Variants in AGBL5 observed in about 807,000 individuals in gnomAD.
AGBL5 encodes the protein AGBL carboxypeptidase 5, also known as cytosolic carboxypeptidase-like protein 5.
AGBL5 carries 51 observed loss-of-function variants against 88.0 expected under a neutral mutation model. That is an observed-to-expected ratio of 0.58 (90% confidence interval 0.46 to 0.73). AGBL5 has a LOEUF of 0.73. Ranked by LOEUF, AGBL5 falls within the 30% of genes least tolerant of loss-of-function variation. AGBL5 has a pLI of 0.00. For synonymous variants in AGBL5, 446 were observed against 438.8 expected (o/e 1.02, Z -0.21); for missense variants, 1,031 against 1,162.2 (o/e 0.89, Z 1.64).
At chr2:27,058,040 T>C (rs986106389) in intron 9 of AGBL5, among the ~76,000 whole-genome samples, 5 of 150,186 alleles carry the variant, frequency 3.3e-5, no homozygotes, top group Admixed American at 2.0e-4. Context: ...CACACGCCAC[T>C]GTACTACAGC....
At chr2:27,056,161 G>T in intron 7 of AGBL5, 23 bp downstream of exon 7, 1 of 1,600,550 alleles carries the variant, frequency 6.2e-7, no homozygotes, top group Middle Eastern at 1.7e-4. Context: ...AGAATGTCAT[G>T]TGAGTGTGAG....
At chr2:27,070,005 C>T (rs1669199586) in intron 14 of AGBL5, 87 bp from the exon 15 acceptor site, 1 of 1,538,358 alleles carries the variant, frequency 6.5e-7, no homozygotes, top group African/African-American at 1.4e-5. Context: ...TCTCGCTCCA[C>T]TTCTTTCACT....
chr2:27,056,281 G>A lies in AGBL5; in HGVS notation c.1365+143G>A, dbSNP rs1370322059. On this transcript the variant is annotated intron_variant, in intron 7 of 14. Transcript: ENST00000360131. ...AGACTACCTCTGAAAAAGCTTTGAA[G>A]GGCCAAGAAGAGATGGCACAGGGGG... The A allele has an allele frequency of 4.1e-5, 34 of 830,380 alleles. 1 individual carries two copies. In the South Asian group the frequency reaches 5.9e-4, roughly 14 times the overall value. 51.4% of individuals were successfully genotyped at this position (830,380 alleles called of 1,614,324 possible). A position where few individuals can be genotyped will look rare whatever the true frequency, so the allele number is the denominator to read the frequency against.
chr2:27,061,632 T>A (rs1474918818), intron 11 of AGBL5: 1 of 152,214 alleles, frequency 6.6e-6, no homozygotes, highest in Non-Finnish European at 1.5e-5. Flanking sequence ...CCTCCCAAAG[T>A]GCTAGGATTA....
rs567066982 is a variant in AGBL5, at chr2:27,058,340, C to G, written c.1672-60C>G. 3.1e-3 allele frequency: 4,895 copies of G among 1,599,750 alleles called. 18 individuals are homozygous for G. The highest frequency in any genetic ancestry group is 3.9e-3 in the Non-Finnish European group (4,606 of 1,168,858). The stretch of plus-strand genomic sequence containing the variant: ...CCTTCCACTGTGCTGTGTACCCACC[C>G]CAAGGTAGCAGCCTGGATGGGAGGA... On this transcript the variant is annotated intron_variant, in intron 9 of 14. Transcript: ENST00000360131.
At chr2:27,055,381 A>G in intron 6 of AGBL5, 128 bp downstream of exon 6, 1 of 1,272,260 alleles carries the variant, frequency 7.9e-7, no homozygotes, top group Non-Finnish European at 1.1e-6. Context: ...AGGCAAGCCC[A>G]TCTCATCTTC....
Position 27,053,590 on chromosome 2 carries a change from G to C in AGBL5, c.387+17G>C, listed in dbSNP as rs1572812569. 6.3e-7 allele frequency: 1 copy of C among 1,598,008 alleles called. No individual in the cohort carries two copies. The highest frequency in any genetic ancestry group is 8.5e-7 in the Non-Finnish European group (1 of 1,173,420). On this transcript the variant is annotated intron_variant, in intron 3 of 14. Coordinates refer to ENST00000360131, the MANE Select transcript of AGBL5 (RefSeq NM_021831.6). This position sits in a 1 kb window ranked among gnomAD's most constrained non-coding sequence, Gnocchi z 4.9. The stretch of plus-strand genomic sequence containing the variant: ...ACCTTTGAGGTAAGTTCTCCATGAG[G>C]AGGAAAGAAAGACTTGGGTGCTAAA...
chr2:27,069,719 G>A lies in AGBL5; in HGVS notation c.2489+13G>A. 4 of 1,606,502 alleles carry A rather than the reference G, an allele frequency of 2.5e-6. No individual in the cohort carries two copies. Among genetic ancestry groups the A allele is most frequent in the Non-Finnish European group, 3.4e-6 (4 of 1,174,404 alleles). ...CTGCTACACCAGGGTGAGCACTTGG[G>A]TCCAGTCCCTCACACCACCCCTCAC... On this transcript the variant is annotated intron_variant, in intron 14 of 14. Transcript: ENST00000360131.
upstream of AGBL5, among the ~76,000 whole-genome samples, chr2:27,050,732 G>A (rs79466132): frequency 9.5e-4 from 144 of 152,354 alleles, 5 homozygotes; most frequent in East Asian, 0.024. Flanking sequence ...GGCTGGATGA[G>A]GTTGCGGTAA....
chr2:27,055,679 C>T lies in AGBL5; in HGVS notation c.909-3C>T, dbSNP rs772125178. The T allele has an allele frequency of 2.4e-5, 39 of 1,609,290 alleles. No homozygotes were observed. Among genetic ancestry groups the T allele is most frequent in the Middle Eastern group, 3.3e-4 (2 of 6,046 alleles). On this transcript the variant is annotated splice_region_variant and splice_polypyrimidine_tract_variant and intron_variant, in intron 6 of 14. Coordinates refer to ENST00000360131, the MANE Select transcript of AGBL5 (RefSeq NM_021831.6). ...ACCTGCTTCAGTCCTTGTTTTCCTA[C>T]AGCACAGACTCACGTGGAGTGAATC...
intron 1 of AGBL5, 97 bp from the exon 2 acceptor site, chr2:27,052,816 A>C: frequency 1.5e-6 from 1 of 647,212 alleles, no homozygotes; most frequent in Non-Finnish European, 2.4e-6. Flanking sequence ...TTCATAGGGC[A>C]CTCCCTAAGA....
rs185431140 is a variant in AGBL5 at position 27,054,631 on chromosome 2, C to A, written c.553C>A (p.Pro185Thr). 8.1e-6 allele frequency: 13 copies of A among 1,612,514 alleles called. No homozygotes were observed. Among genetic ancestry groups the A allele is most frequent in the Non-Finnish European group, 9.3e-6 (11 of 1,179,290 alleles). The change falls in exon 5 of 15, where the codon CCC (proline) becomes ACC (threonine). Residue 185 changes from proline (P) to threonine (T), a missense_variant and splice_region_variant. Around this residue, in one of 2 missense-constraint regions of AGBL5, gnomAD observed 540 missense variants for 678.2 expected, o/e 0.80. Coordinates refer to ENST00000360131, the MANE Select transcript of AGBL5 (RefSeq NM_021831.6). ...GGCTTAATTTTTTTTTCCCTGTAGC[C>A]CCCTGGATACCATCTATTACCATCG... ...FPENHPTHSS[P>T]LDTIYYHREL...
Position 27,053,251 on chromosome 2 carries a change from C to T in AGBL5, c.215+78C>T. The T allele has an allele frequency of 3.3e-6, 5 of 1,518,770 alleles. No homozygotes were observed. Among genetic ancestry groups the T allele is most frequent in the Non-Finnish European group, 4.5e-6 (5 of 1,120,882 alleles). 94.1% of individuals were successfully genotyped at this position (1,518,770 alleles called of 1,614,324 possible). ...TAGCCCTCTGACTTATCTGTTCATA[C>T]CCAGCATACTCCCTGTCCATTTCTG... On this transcript the variant is annotated intron_variant, in intron 2 of 14. Coordinates refer to ENST00000360131, the MANE Select transcript of AGBL5 (RefSeq NM_021831.6). This position sits in a 1 kb window ranked among gnomAD's most constrained non-coding sequence, Gnocchi z 4.9.
chr2:27,053,294 T>A lies in AGBL5; in HGVS notation c.216-108T>A. The A allele has an allele frequency of 6.5e-7, 1 of 1,531,104 alleles. No homozygotes were observed. Among genetic ancestry groups the A allele is most frequent in the Non-Finnish European group, 8.8e-7 (1 of 1,130,272 alleles). The allele number at this position is 1,531,104 out of a possible 1,614,324, so 94.8% of individuals were successfully genotyped here. A position where few individuals can be genotyped will look rare whatever the true frequency, so the allele number is the denominator to read the frequency against. ...CATTTCTGACCCATCGTCCCTCCTT[T>A]CTCCTTGCCAAATAGCCCTTTCCCA... On this transcript the variant is annotated intron_variant, in intron 2 of 14. Coordinates refer to ENST00000360131, the MANE Select transcript of AGBL5 (RefSeq NM_021831.6). This position sits in a 1 kb window ranked among gnomAD's most constrained non-coding sequence, Gnocchi z 4.9.
intron 10 of AGBL5, 112 bp downstream of exon 10, chr2:27,058,714 C>T (rs1279853258): frequency 1.8e-6 from 2 of 1,130,524 alleles, no homozygotes; most frequent in Non-Finnish European, 2.5e-6. Flanking sequence ...TGCCAAATGG[C>T]AAATATCTTC....
chr2:27,061,947 G>C (rs971523788), intron 11 of AGBL5: 4 of 151,774 alleles, frequency 2.6e-5, no homozygotes, highest in African/African-American at 9.7e-5. Context: ...CAAGTAGCTG[G>C]GATTATAGGC....
At chr2:27,055,005 AC>A in intron 5 of AGBL5, 69 bp from the exon 6 acceptor site, 2 of 1,539,246 alleles carry the variant, frequency 1.3e-6, no homozygotes, top group African/African-American at 1.4e-5. Flanking sequence ...CATCCATGAC[AC>A]CCCCCATATA....
upstream of AGBL5, among the ~76,000 whole-genome samples, chr2:27,050,453 T>C (rs1041365143): frequency 1.3e-5 from 2 of 152,318 alleles, no homozygotes; most frequent in East Asian, 3.9e-4. Context: ...TGAGTGCAGG[T>C]ACCGCGGCAC....
Position 27,059,245 on chromosome 2 carries a change from A to C in AGBL5, c.1930A>C (p.Thr644Pro), listed in dbSNP as rs1572822896. 3 of 1,614,128 alleles carry C rather than the reference A, an allele frequency of 1.9e-6. No individual in the cohort carries two copies. Among genetic ancestry groups the C allele is most frequent in the Non-Finnish European group, 2.5e-6 (3 of 1,180,016 alleles). The change falls in exon 11 of 15, where the codon ACC (threonine) becomes CCC (proline). Residue 644 changes from threonine to proline, a missense_variant. Around this residue, in one of 2 missense-constraint regions of AGBL5, gnomAD observed 491 missense variants for 484.0 expected, o/e 1.01. Coordinates refer to ENST00000360131, the MANE Select transcript of AGBL5 (RefSeq NM_021831.6). The part of the protein sequence containing the change: ...NTLSRARSFS[T>P]GTSAGGSSSS... ...CTTGAGTCGGGCACGAAGTTTTAGC[A>C]CCGGCACAAGTGCCGGTGGTAGCAG...
Sources: gnomAD v4.1 joint callset for allele counts (sites outside exome capture counted in the v4.1 genomes callset) on GRCh38, gnomAD v4.1.1 for gene constraint, gnomAD v4.1.1 regional missense constraint, Gnocchi (gnomAD v3.1) non-coding constraint, MANE v1.5 for transcripts, NCBI Gene and HGNC (gene_info 2026-07-23, HGNC 2026-07-21) for gene names.